PTPRM: variants seen among roughly 807,000 people sequenced by gnomAD.
The protein encoded by PTPRM is receptor-type tyrosine-protein phosphatase mu.
A neutral mutation model predicts 186.7 loss-of-function variants in PTPRM; 47 were observed. The ratio of observed to expected loss-of-function variants is 0.25; its 90% CI spans 0.20 to 0.32. PTPRM has a LOEUF of 0.32. Ranked by LOEUF, PTPRM falls within the 10% of genes least tolerant of loss-of-function variation. The pLI, the probability that PTPRM is intolerant of heterozygous loss-of-function variation, is 1.00. For missense variants in PTPRM, 1,494 were observed against 1,865.0 expected, an observed-to-expected ratio of 0.80 and a Z score of 3.66; for synonymous variants, 668 against 674.9, an observed-to-expected ratio of 0.99 and a Z score of 0.16.
In PTPRM at chr18:8,076,429, A is replaced by T. The variant is rs200557952; in HGVS notation, c.1442-26A>T. On this transcript the variant is annotated intron_variant, in intron 8 of 32. Transcript: ENST00000580170. The stretch of plus-strand genomic sequence containing the variant: ...CTTTTTAATTGTTTATTACTTAAAC[A>T]TTTATTTCCTCCCACCCTCCTTTAG... The T allele has an allele frequency of 2.7e-5, 36 of 1,350,546 alleles. No homozygotes were observed. In the African/African-American group the frequency reaches 5.0e-4, roughly 19 times the overall value. 83.7% of individuals were successfully genotyped at this position (1,350,546 alleles called of 1,614,324 possible).
At chr18:8,226,366 C>G (rs2094214441) in intron 14 of PTPRM, among the ~76,000 whole-genome samples, 1 of 151,222 alleles carries the variant, frequency 6.6e-6, no homozygotes, top group African/African-American at 2.4e-5. Context: ...GAACCTTTCA[C>G]TACCAGTATA....
chr18:7,809,444 G>C (rs532525817), intron 2 of PTPRM, among the ~76,000 whole-genome samples: 1 of 151,884 alleles, frequency 6.6e-6, no homozygotes, highest in South Asian at 2.1e-4. Flanking sequence ...TGCTGGGACC[G>C]CTCTTCTCCC....
intron 32 of PTPRM, among the ~76,000 whole-genome samples, chr18:8,397,310 G>T (rs1047943977): frequency 2.6e-5 from 4 of 152,212 alleles, no homozygotes; most frequent in Admixed American, 6.5e-5. Flanking sequence ...ACAGAGGGAC[G>T]CTGTGTCTCT....
At chr18:8,369,323 A>T (rs2095650387) in intron 23 of PTPRM, among the ~76,000 whole-genome samples, 2 of 152,252 alleles carry the variant, frequency 1.3e-5, no homozygotes, top group Admixed American at 1.3e-4. Flanking sequence ...TGAGCAGAAC[A>T]AGTAAATAGC....
At chr18:7,579,319 T>C (rs796293346) in intron 1 of PTPRM, among the ~76,000 whole-genome samples, 75 of 152,292 alleles carry the variant, frequency 4.9e-4, no homozygotes, top group African/African-American at 1.8e-3. Context: ...ATACCTCATA[T>C]GATTTTGATC....
intron 14 of PTPRM, among the ~76,000 whole-genome samples, chr18:8,148,516 A>G (rs1477896028): frequency 6.6e-6 from 1 of 151,770 alleles, no homozygotes; most frequent in African/African-American, 2.4e-5. Context: ...TTTTTTTATT[A>G]CACATCTATT....
At chr18:8,328,225 T>C (rs1490326308) in intron 22 of PTPRM, among the ~76,000 whole-genome samples, 1 of 152,240 alleles carries the variant, frequency 6.6e-6, no homozygotes, top group African/African-American at 2.4e-5. Context: ...CTTTGAATGC[T>C]GCACTCACTT....
intron 1 of PTPRM, among the ~76,000 whole-genome samples, chr18:7,633,694 A>G (rs962250467): frequency 6.6e-6 from 1 of 151,974 alleles, no homozygotes; most frequent in Non-Finnish European, 1.5e-5. Flanking sequence ...TTTCTTTCCA[A>G]ATGCTCTTCC....
chr18:8,157,566 C>T (rs1014840620), intron 14 of PTPRM, among the ~76,000 whole-genome samples: 1 of 152,228 alleles, frequency 6.6e-6, no homozygotes, highest in Non-Finnish European at 1.5e-5. Context: ...ACCTTAAGGC[C>T]ATGCCTTGGT....
chr18:8,353,434 G>T (rs1054132682), intron 23 of PTPRM, among the ~76,000 whole-genome samples: 2 of 152,194 alleles, frequency 1.3e-5, no homozygotes, highest in African/African-American at 4.8e-5. Flanking sequence ...ACGTTTAGGA[G>T]GTTAGAGCAA....
intron 14 of PTPRM, among the ~76,000 whole-genome samples, chr18:8,146,720 C>G (rs1411109821): frequency 6.6e-6 from 1 of 152,168 alleles, no homozygotes; most frequent in African/African-American, 2.4e-5. Context: ...GACATGAAAT[C>G]TTTGTCCATG....
intron 1 of PTPRM, among the ~76,000 whole-genome samples, chr18:7,761,776 A>G (rs2144759988): frequency 6.6e-6 from 1 of 152,198 alleles, no homozygotes; most frequent in East Asian, 1.9e-4. Context: ...AGTGCCTGAC[A>G]TCATGCCTGG....
chr18:7,748,560 A>G (rs144432983), intron 1 of PTPRM, among the ~76,000 whole-genome samples: 104 of 152,300 alleles, frequency 6.8e-4, no homozygotes, highest in African/African-American at 2.5e-3. Context: ...AGAGCTGCCA[A>G]ATCAGCTCCG....
chr18:8,391,455 CACAG>C (rs1432968155), intron 31 of PTPRM, among the ~76,000 whole-genome samples: 18 of 152,230 alleles, frequency 1.2e-4, no homozygotes, highest in African/African-American at 4.3e-4. Flanking sequence ...GTGATTCTCA[CACAG>C]ACAACACAGA....
intron 7 of PTPRM, among the ~76,000 whole-genome samples, chr18:8,056,869 G>A (rs972415292): frequency 6.6e-6 from 1 of 151,852 alleles, no homozygotes; most frequent in African/African-American, 2.4e-5. Context: ...CTTTTAACAT[G>A]CACTAAGGGA....
intron 7 of PTPRM, among the ~76,000 whole-genome samples, chr18:7,988,005 T>C (rs2083055981): frequency 8.9e-6 from 1 of 112,352 alleles, no homozygotes; most frequent in Non-Finnish European, 1.8e-5. Flanking sequence ...AGTGAGACCC[T>C]GTGTCTACAA....
chr18:7,731,557 A>G (rs2040659883), intron 1 of PTPRM, among the ~76,000 whole-genome samples: 1 of 152,194 alleles, frequency 6.6e-6, no homozygotes, highest in Admixed American at 6.5e-5. Context: ...GACTGTCATA[A>G]CAAGGCCATC....
intron 17 of PTPRM, among the ~76,000 whole-genome samples, chr18:8,250,887 T>C (rs1430704847): frequency 2.0e-5 from 3 of 152,200 alleles, no homozygotes; most frequent in African/African-American, 7.2e-5. Context: ...ATAATAATTC[T>C]TTTTTAAGTT....
At chr18:8,293,668 T>A (rs9807194) in intron 19 of PTPRM, among the ~76,000 whole-genome samples, 1 of 152,202 alleles carries the variant, frequency 6.6e-6, no homozygotes, top group East Asian at 1.9e-4. Flanking sequence ...ACTATAAAAT[T>A]ATTGTCATTC....
Sources: allele counts gnomAD v4.1 joint callset (sites outside exome capture counted in the v4.1 genomes callset), GRCh38; gene constraint gnomAD v4.1.1; transcripts MANE v1.5; gene names NCBI Gene and HGNC (gene_info 2026-07-23, HGNC 2026-07-21).